USP54: variants seen among roughly 807,000 people sequenced by gnomAD.
USP54 encodes the protein ubiquitin specific peptidase 54, also known as ubiquitin carboxyl-terminal hydrolase 54.
Under a neutral mutation model 170.5 loss-of-function variants are expected in USP54, and 87 were observed. The ratio of observed to expected loss-of-function variants is 0.51; its 90% confidence interval spans 0.43 to 0.61. The LOEUF is 0.61. Among genes scored for constraint, USP54 ranks in the 20% least tolerant of loss-of-function variants. USP54 has a pLI of 0.00. For synonymous variants in USP54, 655 were observed against 742.8 expected, an observed-to-expected ratio of 0.88 and a Z score of 1.92; for missense variants, 1,786 against 2,047.8, an observed-to-expected ratio of 0.87 and a Z score of 2.47.
Position 73,536,264 on chromosome 10 carries a change from C to T in USP54, c.1144+5G>A. 1 of 1,613,892 alleles carries T rather than the reference C, an allele frequency of 6.2e-7. No homozygotes were observed. The highest frequency in any genetic ancestry group is 8.5e-7 in the Non-Finnish European group (1 of 1,179,906). On this transcript the variant is annotated splice_donor_5th_base_variant and intron_variant, in intron 11 of 23. Transcript: ENST00000687698. ...AGAGGAGAGGTAAAGAGCCTGGCTG[C>T]TCACCTGAATCTTCACTGTCGTAGC...
At position 73,516,808 on chromosome 10, in the gene USP54, AG is replaced by A. The variant is rs753907979; in HGVS notation, c.3617del (p.Ser1206PhefsTer5). Reference protein sequence around the residue: ...PLSWEESTEHSSLALNSGLPN... With the variant: ...PLSWEESTEHXSLALNSGLPN... ...GCAGCCCAGAGTTTAAGGCAAGAGA[AG>A]AATGTTCAGTGGACTCTTCCCAGGA... On this transcript the variant is annotated frameshift_variant, in exon 20 of 24. Transcript: ENST00000687698. LOFTEE classifies it high-confidence loss of function. The A allele has an allele frequency of 6.2e-7, 1 of 1,614,234 alleles. No individual in the cohort carries two copies. Among genetic ancestry groups the A allele is most frequent in the South Asian group, 1.1e-5 (1 of 91,090 alleles).
chr10:73,597,576 T>G (rs1031834649), intron 1 of USP54, among the ~76,000 whole-genome samples: 23 of 152,268 alleles, frequency 1.5e-4, no homozygotes, highest in African/African-American at 5.5e-4. Context: ...CCCCACTCTC[T>G]GGCCCTCTAA....
intron 4 of USP54, among the ~76,000 whole-genome samples, chr10:73,546,363 G>A (rs1211943187): frequency 6.6e-6 from 1 of 152,018 alleles, no homozygotes; most frequent in African/African-American, 2.4e-5. Flanking sequence ...TCTTGTTGTT[G>A]TTTTTTTGAA....
At chr10:73,533,636 G>T (rs1230867777) in intron 12 of USP54, among the ~76,000 whole-genome samples, 7 of 151,688 alleles carry the variant, frequency 4.6e-5, no homozygotes, top group African/African-American at 1.5e-4. Context: ...TAAGAATATG[G>T]ACACTGTTCT....
intron 20 of USP54, among the ~76,000 whole-genome samples, chr10:73,515,409 G>A (rs1373293316): frequency 6.6e-6 from 1 of 152,196 alleles, no homozygotes; most frequent in Non-Finnish European, 1.5e-5. Context: ...TTGGAGTTAA[G>A]TGCATCAATG....
chr10:73,580,347 AAAAAG>A (rs898657704), intron 1 of USP54, among the ~76,000 whole-genome samples: 2 of 151,730 alleles, frequency 1.3e-5, no homozygotes, highest in Non-Finnish European at 2.9e-5. Context: ...AAAGAAAAAG[AAAAAG>A]AAATGCAAAA....
intron 3 of USP54, among the ~76,000 whole-genome samples, chr10:73,574,200 T>C (rs1009549928): frequency 2.6e-5 from 4 of 152,052 alleles, no homozygotes; most frequent in Non-Finnish European, 4.4e-5. Context: ...ATCACTCAAG[T>C]GGCAAGCAAC....
At chr10:73,616,291 T>C (rs2080626045) in intron 1 of USP54, among the ~76,000 whole-genome samples, 1 of 137,854 alleles carries the variant, frequency 7.3e-6, no homozygotes, top group Non-Finnish European at 1.5e-5. Flanking sequence ...TGAGCCGAGA[T>C]TGCGCCACTG....
In USP54 at chr10:73,516,641, G is replaced by A; in HGVS notation, c.3785C>T (p.Ser1262Phe). 6.2e-7 allele frequency: 1 copy of A among 1,614,188 alleles called. No individual in the cohort carries two copies. The highest frequency in any genetic ancestry group is 1.1e-5 in the South Asian group (1 of 91,084). Reference sequence around the variant, plus strand: ...ACAGAACCTTGTGATATTCACCCAGGAATCCAAAGGCAAGGAAGTCCCCAA... The same window carrying A: ...ACAGAACCTTGTGATATTCACCCAGAAATCCAAAGGCAAGGAAGTCCCCAA... ...TDLGTSLPLD[S>F]WVNITRFCDS... is the part of the protein sequence containing the mutation. The change falls in exon 20 of 24, where the codon TCC (serine) becomes TTC (phenylalanine). Residue 1262 changes from serine (S) to phenylalanine (F), a missense_variant. This residue lies in a region of USP54 where 1,418 missense variants were observed against 1,569.0 expected (regional missense o/e 0.90). Coordinates refer to ENST00000687698, the MANE Select transcript of USP54 (RefSeq NM_001391956.1).
At chr10:73,619,753 T>C (rs2080939258) in intron 1 of USP54, among the ~76,000 whole-genome samples, 1 of 150,536 alleles carries the variant, frequency 6.6e-6, no homozygotes, top group Non-Finnish European at 1.5e-5. Context: ...AGCACCTAAA[T>C]AAAACACCTG....
chr10:73,498,611 A>G lies in USP54; in HGVS notation c.*18T>C, dbSNP rs574245381. On this transcript the variant is annotated 3_prime_UTR_variant, in exon 24 of 24. Coordinates refer to ENST00000687698, the MANE Select transcript of USP54 (RefSeq NM_001391956.1). ...TTACAAAGAAAGGTGTAGCTCCAGG[A>G]AAGGAAAGGAATAACCTTTACCATT... The G allele has an allele frequency of 3.3e-6, 5 of 1,512,040 alleles. No homozygotes were observed. In the African/African-American group the frequency reaches 4.2e-5, roughly 13 times the overall value. 93.7% of individuals were successfully genotyped at this position (1,512,040 alleles called of 1,614,324 possible). A position where few individuals can be genotyped will look rare whatever the true frequency, so the allele number is the denominator to read the frequency against.
intron 1 of USP54, among the ~76,000 whole-genome samples, chr10:73,620,994 A>G (rs960292507): frequency 6.7e-6 from 1 of 149,918 alleles, no homozygotes; most frequent in Non-Finnish European, 1.5e-5. Flanking sequence ...CGTCTCTACT[A>G]AAAATACAAA....
intron 1 of USP54, chr10:73,611,551 G>A (rs373259841): frequency 6.6e-6 from 1 of 151,720 alleles, no homozygotes; most frequent in African/African-American, 2.4e-5. Flanking sequence ...AGCACTTTGG[G>A]AGGCCAAGGC....
At chr10:73,546,333 TTTTG>T (rs1008077030) in intron 4 of USP54, among the ~76,000 whole-genome samples, 1 of 152,162 alleles carries the variant, frequency 6.6e-6, no homozygotes, top group African/African-American at 2.4e-5. Flanking sequence ...TTTGTGGGTT[TTTTG>T]TTTTTTTGTG....
intron 1 of USP54, among the ~76,000 whole-genome samples, chr10:73,602,150 C>T (rs2079215466): frequency 1.3e-5 from 2 of 152,204 alleles, no homozygotes; most frequent in Non-Finnish European, 2.9e-5. Flanking sequence ...CAGGTTTGCC[C>T]TCAGTTTTAC....
At chr10:73,528,196 A>G (rs1470517122) in intron 15 of USP54, among the ~76,000 whole-genome samples, 3 of 151,572 alleles carry the variant, frequency 2.0e-5, no homozygotes, top group Non-Finnish European at 1.5e-5. Context: ...GGCCTCCCAA[A>G]GTGCTAGGAT....
intron 1 of USP54, among the ~76,000 whole-genome samples, chr10:73,602,469 C>T (rs1452504442): frequency 4.0e-5 from 6 of 151,636 alleles, no homozygotes; most frequent in Admixed American, 2.6e-4. Context: ...AGGAGAATGG[C>T]GTGAACCCAG....
intron 20 of USP54, among the ~76,000 whole-genome samples, chr10:73,514,455 G>A (rs1179268511): frequency 3.3e-5 from 5 of 151,852 alleles, no homozygotes; most frequent in South Asian, 2.1e-4. Flanking sequence ...CCAGCTACTC[G>A]GGAGGCTGAG....
intron 1 of USP54, among the ~76,000 whole-genome samples, chr10:73,587,524 C>T (rs576892588): frequency 6.6e-6 from 1 of 152,198 alleles, no homozygotes; most frequent in African/African-American, 2.4e-5. Flanking sequence ...ATTGCAGAAC[C>T]TCGGGAGGTA....
Sources: allele counts gnomAD v4.1 joint callset (sites outside exome capture counted in the v4.1 genomes callset), GRCh38; gene constraint gnomAD v4.1.1; regional missense constraint gnomAD v4.1.1; transcripts MANE v1.5; gene names NCBI Gene and HGNC (gene_info 2026-07-23, HGNC 2026-07-21).